The following PEBP4 variants were observed in gnomAD, a reference collection of about 807,000 sequenced individuals.
PEBP4 encodes the protein phosphatidylethanolamine binding protein 4.
Under a neutral mutation model 23.9 loss-of-function variants are expected in PEBP4, and 22 were observed. The observed-to-expected ratio is 0.92, with a 90% confidence interval of 0.66 to 1.31. The LOEUF is 1.31. Ranked by LOEUF, PEBP4 falls within the 40% of genes most tolerant of loss-of-function variation. The probability of loss-of-function intolerance (pLI) is 0.00; values close to 1 mark genes in which losing one functional copy is unlikely to be tolerated. For synonymous variants in PEBP4, 112 were observed against 99.3 expected, an observed-to-expected ratio of 1.13 and a Z score of -0.76; for missense variants, 324 against 281.7, an observed-to-expected ratio of 1.15 and a Z score of -1.07.
intron 3 of PEBP4, among the ~76,000 whole-genome samples, chr8:22,907,122 T>C (rs1263007158): frequency 3.9e-5 from 6 of 152,018 alleles, no homozygotes; most frequent in Non-Finnish European, 8.8e-5. Flanking sequence ...GCAGATACCA[T>C]CCTAGTGCAA....
At chr8:22,898,116 G>A (rs1019627218) in intron 3 of PEBP4, among the ~76,000 whole-genome samples, 2 of 151,746 alleles carry the variant, frequency 1.3e-5, no homozygotes, top group Admixed American at 1.3e-4. Flanking sequence ...AGCCAGCCAG[G>A]CGCAGTGGCT....
At chr8:22,892,107 G>A (rs1251529171) in intron 3 of PEBP4, among the ~76,000 whole-genome samples, 3 of 151,496 alleles carry the variant, frequency 2.0e-5, no homozygotes, top group Non-Finnish European at 2.9e-5. Flanking sequence ...GAAGGAGAAA[G>A]TAGAGGGACT....
intron 4 of PEBP4, among the ~76,000 whole-genome samples, chr8:22,748,091 C>T (rs1345846602): frequency 6.6e-6 from 1 of 152,208 alleles, no homozygotes; most frequent in South Asian, 2.1e-4. Context: ...TGTGCACACA[C>T]GTGCAGGCAC....
chr8:22,921,188 T>C (rs1432000874), intron 2 of PEBP4, among the ~76,000 whole-genome samples: 2 of 152,252 alleles, frequency 1.3e-5, no homozygotes, highest in African/African-American at 2.4e-5. Flanking sequence ...TGTTTTTGCT[T>C]GCCCTTCTAT....
chr8:22,938,700 TC>T (rs531708185), intron 1 of PEBP4, among the ~76,000 whole-genome samples: 1 of 151,606 alleles, frequency 6.6e-6, no homozygotes, highest in Non-Finnish European at 1.5e-5. Flanking sequence ...AGGTCACACT[TC>T]CCCCCCATTA....
At chr8:22,826,342 T>C (rs1806968227) in intron 3 of PEBP4, among the ~76,000 whole-genome samples, 1 of 152,256 alleles carries the variant, frequency 6.6e-6, no homozygotes. Flanking sequence ...TGCATTGTTG[T>C]AGGAATGCAC....
intron 3 of PEBP4, chr8:22,885,685 T>G (rs1326371405): frequency 6.6e-6 from 1 of 152,240 alleles, no homozygotes. Context: ...TCCTCAGCAC[T>G]GTTGCTAGTG....
intron 4 of PEBP4, among the ~76,000 whole-genome samples, chr8:22,732,853 C>T (rs1327854738): frequency 6.6e-6 from 1 of 152,138 alleles, no homozygotes; most frequent in African/African-American, 2.4e-5. Flanking sequence ...CCAGCTCTCT[C>T]CCACCTCAGA....
rs539367762 is a variant in PEBP4, at chr8:22,796,150, T to C, written c.357+21487A>G. Among the ~76,000 whole-genome samples, 6 of 152,374 alleles carry C rather than the reference T, an allele frequency of 3.9e-5. 1 individual carries two copies. The South Asian group carries it at 6.2e-4, about 16-fold the overall frequency. Reference sequence around the variant, plus strand: ...GTTGGCGGACGCTTAGAGTCTAATGTTGGCAAATCCAAAATAAGGGATTAA... The same window carrying C: ...GTTGGCGGACGCTTAGAGTCTAATGCTGGCAAATCCAAAATAAGGGATTAA... On this transcript the variant is annotated intron_variant, in intron 4 of 6. Coordinates refer to ENST00000256404, the MANE Select transcript of PEBP4 (RefSeq NM_144962.3).
intron 4 of PEBP4, among the ~76,000 whole-genome samples, chr8:22,730,239 A>G (rs1309647325): frequency 1.3e-5 from 2 of 152,224 alleles, no homozygotes; most frequent in African/African-American, 2.4e-5. Context: ...TAGCTCTTCT[A>G]AAATATCTTC....
intron 4 of PEBP4, among the ~76,000 whole-genome samples, chr8:22,803,334 G>A (rs1289765018): frequency 6.6e-6 from 1 of 152,048 alleles, no homozygotes; most frequent in African/African-American, 2.4e-5. Context: ...GGCCTCTCCT[G>A]GGAGTTCCAG....
intron 3 of PEBP4, among the ~76,000 whole-genome samples, chr8:22,838,054 A>G (rs528926651): frequency 2.2e-4 from 33 of 151,296 alleles, no homozygotes; most frequent in Middle Eastern, 6.8e-3. Flanking sequence ...ACACGCCACC[A>G]CACCTGGCTA....
chr8:22,751,410 C>T (rs925976145), intron 4 of PEBP4, among the ~76,000 whole-genome samples: 9 of 152,144 alleles, frequency 5.9e-5, no homozygotes, highest in Non-Finnish European at 2.9e-5. Flanking sequence ...GGTCTGATGT[C>T]CAGGAACACG....
chr8:22,805,811 G>T (rs944347317), intron 4 of PEBP4, among the ~76,000 whole-genome samples: 1 of 151,998 alleles, frequency 6.6e-6, no homozygotes, highest in Non-Finnish European at 1.5e-5. Flanking sequence ...AAAGGGATTT[G>T]ATTGCATAAA....
chr8:22,836,069 T>A (rs1807199407), intron 3 of PEBP4, among the ~76,000 whole-genome samples: 1 of 152,234 alleles, frequency 6.6e-6, no homozygotes, highest in Non-Finnish European at 1.5e-5. Flanking sequence ...CCTAAGGCAG[T>A]GAACTTCAGA....
intron 4 of PEBP4, among the ~76,000 whole-genome samples, chr8:22,807,282 A>T (rs940811569): frequency 7.2e-5 from 11 of 152,302 alleles, no homozygotes; most frequent in African/African-American, 2.4e-4. Flanking sequence ...CAGATCTGAG[A>T]CAATAGAAGC....
intron 3 of PEBP4, among the ~76,000 whole-genome samples, chr8:22,912,404 A>C (rs1377285062): frequency 2.0e-5 from 3 of 152,348 alleles, no homozygotes; most frequent in South Asian, 2.1e-4. Flanking sequence ...CAGTGAATAC[A>C]TGAATGACTG....
intron 6 of PEBP4, among the ~76,000 whole-genome samples, chr8:22,722,327 G>C (rs1301565532): frequency 2.0e-5 from 3 of 152,152 alleles, no homozygotes. Context: ...AGATCATCTG[G>C]AGCCAACCCC....
chr8:22,855,795 C>T (rs1273612538), intron 3 of PEBP4, among the ~76,000 whole-genome samples: 1 of 152,046 alleles, frequency 6.6e-6, no homozygotes, highest in Admixed American at 6.6e-5. Context: ...AATCCCAGCA[C>T]TTTAGGAGGC....
Sources: gnomAD v4.1 joint callset for allele counts (sites outside exome capture counted in the v4.1 genomes callset) on GRCh38, gnomAD v4.1.1 for gene constraint, MANE v1.5 for transcripts, NCBI Gene and HGNC (gene_info 2026-07-23, HGNC 2026-07-21) for gene names.